Variants in MGAT4C observed in about 807,000 individuals in gnomAD.
MGAT4C encodes MGAT4 family member C.
In MGAT4C, 19 loss-of-function variants were observed where a neutral mutation model predicts 40.1. The ratio of observed to expected loss-of-function variants is 0.47; its 90% CI spans 0.33 to 0.70. The LOEUF is 0.70. MGAT4C is among the 30% of genes least tolerant of loss of function. The pLI is 0.02. For missense variants in MGAT4C, 491 were observed against 563.2 expected (o/e 0.87, Z 1.30); for synonymous variants, 181 against 187.1 (o/e 0.97, Z 0.27).
At chr12:86,151,470 G>T (rs530240694) in intron 1 of MGAT4C, among the ~76,000 whole-genome samples, 1 of 152,088 alleles carries the variant, frequency 6.6e-6, no homozygotes, top group Non-Finnish European at 1.5e-5. Context: ...AAAATTAGCC[G>T]GGCATGTTGG....
Position 86,420,086 on chromosome 12 carries a change from G to C in MGAT4C, c.-120+15071C>G, listed in dbSNP as rs61334264. On this transcript the variant is annotated intron_variant, in intron 3 of 7. Transcript: ENST00000548651. ...TATTCATGTAGACTTGGAAAAAAAT[G>C]CATTTTACAGGCCTGGTGTGGTGGC... Among the ~76,000 whole-genome samples the C allele has an allele frequency of 1.2e-3, 184 of 147,806 alleles. 4 individuals are homozygous for C. Among genetic ancestry groups the C allele is most frequent in the African/African-American group, 4.2e-3 (172 of 40,510 alleles).
At chr12:86,519,665 T>A (rs1267003466) in intron 2 of MGAT4C, among the ~76,000 whole-genome samples, 13 of 152,160 alleles carry the variant, frequency 8.5e-5, no homozygotes, top group African/African-American at 2.9e-4. Flanking sequence ...GTGATGTTGA[T>A]TATTTTTTAA....
upstream of MGAT4C, among the ~76,000 whole-genome samples, chr12:86,258,981 A>G (rs1470780314): frequency 2.0e-5 from 3 of 151,970 alleles, no homozygotes; most frequent in African/African-American, 7.2e-5. Flanking sequence ...CAGAATTTAT[A>G]TTTTAGTTTT....
At chr12:86,360,544 T>C (rs4281538) in intron 3 of MGAT4C, among the ~76,000 whole-genome samples, 111,468 of 152,060 alleles carry the variant, frequency 0.73, 41,066 homozygotes, top group East Asian at 0.91. Flanking sequence ...GGAAGTCAAA[T>C]TGTCCCTGTT....
intron 2 of MGAT4C, among the ~76,000 whole-genome samples, chr12:86,603,492 A>AT (rs1961881928): frequency 1.0e-5 from 1 of 95,502 alleles, no homozygotes; most frequent in African/African-American, 4.3e-5. Context: ...TAGACTATAT[A>AT]ATATATACTA....
At chr12:86,426,430 T>C (rs529131585) in intron 3 of MGAT4C, among the ~76,000 whole-genome samples, 1 of 152,230 alleles carries the variant, frequency 6.6e-6, no homozygotes, top group Non-Finnish European at 1.5e-5. Context: ...TTTATCTTAG[T>C]TATTTTCACA....
chr12:86,758,050 A>G (rs1418990435), intron 1 of MGAT4C, among the ~76,000 whole-genome samples: 3 of 152,186 alleles, frequency 2.0e-5, no homozygotes. Context: ...TCCAAAGAAC[A>G]TATTATATTG....
chr12:86,307,022 T>C (rs1953950614), intron 4 of MGAT4C, among the ~76,000 whole-genome samples: 2 of 150,576 alleles, frequency 1.3e-5, no homozygotes, highest in Admixed American at 1.3e-4. Flanking sequence ...AAATCATTTT[T>C]AGAATGATTT....
intron 3 of MGAT4C, among the ~76,000 whole-genome samples, chr12:86,344,885 A>G (rs1465908238): frequency 1.3e-5 from 2 of 152,014 alleles, no homozygotes; most frequent in African/African-American, 4.8e-5. Flanking sequence ...ATCAAACATA[A>G]GGCTTGCTTC....
At chr12:86,425,315 G>T (rs753610132) in intron 3 of MGAT4C, among the ~76,000 whole-genome samples, 6 of 152,152 alleles carry the variant, frequency 3.9e-5, no homozygotes, top group Non-Finnish European at 8.8e-5. Flanking sequence ...TGGATCATGG[G>T]GGGTGTTTAC....
At position 86,691,337 on chromosome 12, in the gene MGAT4C, GTTC is replaced by G. The variant is rs553667743; in HGVS notation, c.-229+35869_-229+35871del. 3.3e-3 allele frequency among the ~76,000 whole-genome samples: 499 copies of G among 152,294 alleles called. 3 individuals are homozygous for G. Among genetic ancestry groups the G allele is most frequent in the African/African-American group, 0.011 (477 of 41,562 alleles). On this transcript the variant is annotated intron_variant, in intron 2 of 7. Coordinates refer to the MGAT4C transcript ENST00000548651. The stretch of plus-strand genomic sequence containing the variant: ...AGAGAAATAATCTCAGAGTATAAAA[GTTC>G]TTTTCCCTTTGAGCTGTGGATTCCA...
chr12:86,553,889 C>G (rs1430292918), intron 2 of MGAT4C, among the ~76,000 whole-genome samples: 3 of 152,130 alleles, frequency 2.0e-5, no homozygotes, highest in African/African-American at 7.2e-5. Context: ...TTGAGAAAGT[C>G]AGAAATTTCC....
At chr12:86,314,172 T>G (rs1187994752) in intron 4 of MGAT4C, among the ~76,000 whole-genome samples, 20 of 152,212 alleles carry the variant, frequency 1.3e-4, no homozygotes, top group Admixed American at 1.3e-3. Flanking sequence ...TAGAGGTTAC[T>G]TAAAAGCTTA....
intron 3 of MGAT4C, among the ~76,000 whole-genome samples, chr12:86,412,352 G>C (rs1956623926): frequency 6.6e-6 from 1 of 152,216 alleles, no homozygotes; most frequent in African/African-American, 2.4e-5. Context: ...TAGGGGCTGA[G>C]CCATGTAGAA....
At chr12:86,022,766 T>C (rs1415600298) in intron 2 of MGAT4C, among the ~76,000 whole-genome samples, 9 of 152,076 alleles carry the variant, frequency 5.9e-5, no homozygotes, top group Non-Finnish European at 1.3e-4. Context: ...AAAAGGAAGG[T>C]AAATGTGCCC....
chr12:86,801,773 T>TAATACTTA (rs1318925761), intron 1 of MGAT4C, among the ~76,000 whole-genome samples: 1 of 151,910 alleles, frequency 6.6e-6, no homozygotes, highest in Non-Finnish European at 1.5e-5. Flanking sequence ...ATCAATTTCT[T>TAATACTTA]AATACTTACA....
rs192807750 is a variant in MGAT4C at position 86,607,832 on chromosome 12, G to A, written c.-229+119377C>T. 7.2e-5 allele frequency among the ~76,000 whole-genome samples: 11 copies of A among 152,106 alleles called. No individual in the cohort carries two copies. In the East Asian group the frequency reaches 2.1e-3, roughly 30 times the overall value. Reference sequence around the variant, plus strand: ...CTTAGTAAAATAAATTAAGAGTCATGGCACCTGGCGGGGTGCAGGGTTGGG... The same window carrying A: ...CTTAGTAAAATAAATTAAGAGTCATAGCACCTGGCGGGGTGCAGGGTTGGG... On this transcript the variant is annotated intron_variant, in intron 2 of 7. Coordinates refer to the MGAT4C transcript ENST00000548651.
chr12:86,019,364 C>T (rs973556394), intron 2 of MGAT4C, among the ~76,000 whole-genome samples: 1 of 152,080 alleles, frequency 6.6e-6, no homozygotes, highest in African/African-American at 2.4e-5. Context: ...AGCAAGTATG[C>T]TGTCATACCT....
At chr12:86,402,110 T>G (rs896475760) in intron 3 of MGAT4C, among the ~76,000 whole-genome samples, 1 of 151,956 alleles carries the variant, frequency 6.6e-6, no homozygotes, top group Non-Finnish European at 1.5e-5. Flanking sequence ...TTTGGTGTCG[T>G]CTATTTAAAA....
Sources: allele counts gnomAD v4.1 joint callset (sites outside exome capture counted in the v4.1 genomes callset), GRCh38; gene constraint gnomAD v4.1.1; transcripts MANE v1.5; gene names NCBI Gene and HGNC (gene_info 2026-07-23, HGNC 2026-07-21).